Variants in LUC7L3 observed in about 807,000 individuals in gnomAD.
The protein encoded by LUC7L3 is luc7-like protein 3.
Under a neutral mutation model 66.8 loss-of-function variants are expected in LUC7L3, and 6 were observed. That is an observed-to-expected ratio of 0.09 (90% CI 0.05 to 0.18). The LOEUF (loss-of-function observed/expected upper bound fraction) is 0.18. Among genes scored for constraint, LUC7L3 ranks in the 10% least tolerant of loss-of-function variants. The probability of loss-of-function intolerance (pLI) is 1.00; values close to 1 mark genes in which losing one functional copy is unlikely to be tolerated. For missense variants in LUC7L3, 341 were observed against 531.1 expected, an observed-to-expected ratio of 0.64 and a Z score of 3.52; for synonymous variants, 160 against 174.7, an observed-to-expected ratio of 0.92 and a Z score of 0.66.
chr17:50,731,751 C>G (rs984602739), intron 1 of LUC7L3, among the ~76,000 whole-genome samples: 1 of 152,094 alleles, frequency 6.6e-6, no homozygotes, highest in Non-Finnish European at 1.5e-5. Flanking sequence ...TGGATGCTGT[C>G]AGGGCAGGTC....
chr17:50,742,201 A>G (rs1970391621), intron 5 of LUC7L3, among the ~76,000 whole-genome samples: 1 of 152,198 alleles, frequency 6.6e-6, no homozygotes, highest in Non-Finnish European at 1.5e-5. Context: ...TACCTATTTG[A>G]CACCTATGAG....
chr17:50,719,624 A>C lies in LUC7L3; in HGVS notation c.-109A>C. ...TTTTGTCTTGTCGGCTCCTGTGTGT[A>C]GGAGGGATTTCGGCCTGAGAGCGGG... On this transcript the variant is annotated 5_prime_UTR_variant, in exon 1 of 10. Transcript: ENST00000505658. 1.1e-6 allele frequency: 1 copy of C among 870,398 alleles called. No individual in the cohort carries two copies. Among genetic ancestry groups the C allele is most frequent in the Admixed American group, 2.2e-5 (1 of 45,786 alleles). 53.9% of individuals were successfully genotyped at this position (870,398 alleles called of 1,614,324 possible).
chr17:50,752,708 T>C lies in LUC7L3; in HGVS notation c.*2047T>C, dbSNP rs1416957439. Reference sequence around the variant, plus strand: ...CTTTTTCTAATAAAGTTATTGACTCTGAACTAGTCCCCTGTTTTAAATACA... The same window carrying C: ...CTTTTTCTAATAAAGTTATTGACTCCGAACTAGTCCCCTGTTTTAAATACA... On this transcript the variant is annotated 3_prime_UTR_variant, in exon 10 of 10. Coordinates refer to ENST00000505658, the MANE Select transcript of LUC7L3 (RefSeq NM_016424.5). 1 of 152,538 alleles carries C rather than the reference T, an allele frequency of 6.6e-6. No homozygotes were observed. The highest frequency in any genetic ancestry group is 1.5e-5 in the Non-Finnish European group (1 of 68,292). The allele number at this position is 152,538 out of a possible 1,614,324, so 9.4% of individuals were successfully genotyped here.
intron 8 of LUC7L3, 105 bp downstream of exon 8, chr17:50,746,108 C>T (rs2146770535): frequency 7.1e-7 from 1 of 1,406,172 alleles, no homozygotes; most frequent in South Asian, 1.9e-5. Context: ...AGCTCTTAAG[C>T]ATCTTTAAGT....
rs1567883295 is a variant in LUC7L3, at chr17:50,752,718, C to G, written c.*2057C>G. ...TAAAGTTATTGACTCTGAACTAGTC[C>G]CCTGTTTTAAATACAAGAGTTACAC... On this transcript the variant is annotated 3_prime_UTR_variant, in exon 10 of 10. Coordinates refer to ENST00000505658, the MANE Select transcript of LUC7L3 (RefSeq NM_016424.5). The G allele has an allele frequency of 6.6e-6, 1 of 152,066 alleles. No homozygotes were observed. Among genetic ancestry groups the G allele is most frequent in the Non-Finnish European group, 1.5e-5 (1 of 68,086 alleles). 9.4% of individuals were successfully genotyped at this position (152,066 alleles called of 1,614,324 possible).
rs573187940 is a variant in LUC7L3, at chr17:50,741,400, T to C, written c.351+154T>C. ...GCATTCATTTTTTTTCCAGTCTTTATTAGCAAACATAACACTGATTTTGCT... is the reference window on the plus strand; with the variant it reads ...GCATTCATTTTTTTTCCAGTCTTTACTAGCAAACATAACACTGATTTTGCT... On this transcript the variant is annotated intron_variant, in intron 4 of 9. Transcript: ENST00000505658. The C allele has an allele frequency of 2.1e-4, 169 of 793,190 alleles. 2 individuals are homozygous for C. The highest frequency in any genetic ancestry group is 1.7e-3 in the South Asian group (81 of 47,962). 49.1% of individuals were successfully genotyped at this position (793,190 alleles called of 1,614,324 possible).
At position 50,751,479 on chromosome 17, in the gene LUC7L3, G is replaced by GT. The variant is rs1970970172; in HGVS notation, c.*824dup. The GT allele has an allele frequency of 8.3e-7, 1 of 1,200,612 alleles. No individual in the cohort carries two copies. Among genetic ancestry groups the GT allele is most frequent in the Admixed American group, 3.3e-5 (1 of 30,584 alleles). 74.4% of individuals were successfully genotyped at this position (1,200,612 alleles called of 1,614,324 possible). A position where few individuals can be genotyped will look rare whatever the true frequency, so the allele number is the denominator to read the frequency against. ...TGTTCTTTACAAGAAGTGCAGAGGG[G>GT]TTTTTTGTGTATTGCGTGAAAACTT... On this transcript the variant is annotated 3_prime_UTR_variant, in exon 10 of 10. Coordinates refer to ENST00000505658, the MANE Select transcript of LUC7L3 (RefSeq NM_016424.5).
At chr17:50,729,940 A>ATATG (rs1969471120) in intron 1 of LUC7L3, among the ~76,000 whole-genome samples, 1 of 28,402 alleles carries the variant, frequency 3.5e-5, no homozygotes, top group Admixed American at 3.8e-4. Context: ...ATATATATAT[A>ATATG]TATATGTATG....
intron 6 of LUC7L3, among the ~76,000 whole-genome samples, chr17:50,744,445 T>G (rs1292278192): frequency 6.6e-6 from 1 of 152,240 alleles, no homozygotes; most frequent in African/African-American, 2.4e-5. Flanking sequence ...GTCTCAACAT[T>G]TCTTCTGGAT....
At chr17:50,745,193 C>CT (rs1970591125) in intron 7 of LUC7L3, among the ~76,000 whole-genome samples, 1 of 151,802 alleles carries the variant, frequency 6.6e-6, no homozygotes, top group East Asian at 1.9e-4. Context: ...GGGTTTTTTC[C>CT]TGTTGGCCAG....
intron 1 of LUC7L3, among the ~76,000 whole-genome samples, chr17:50,721,309 C>T (rs1026701041): frequency 3.9e-5 from 6 of 152,130 alleles, no homozygotes; most frequent in African/African-American, 1.4e-4. Flanking sequence ...TCTCTGCACC[C>T]TTGACTTTGA....
intron 9 of LUC7L3, 48 bp from the exon 10 acceptor site, chr17:50,750,453 A>G (rs1385367466): frequency 5.2e-6 from 8 of 1,534,630 alleles, no homozygotes; most frequent in Non-Finnish European, 7.1e-6. Context: ...TCATGTCTTT[A>G]TTGTATTTTA....
At chr17:50,724,294 C>T (rs1182559466) in intron 1 of LUC7L3, 1 of 162,250 alleles carries the variant, frequency 6.2e-6, no homozygotes, top group Non-Finnish European at 1.3e-5. Context: ...CCAAGGCAGG[C>T]AGATCACTTG....
At chr17:50,745,180 A>G (rs1385383576) in intron 7 of LUC7L3, among the ~76,000 whole-genome samples, 4 of 151,692 alleles carry the variant, frequency 2.6e-5, no homozygotes, top group South Asian at 4.2e-4. Flanking sequence ...TTTAATAGAG[A>G]CGGGGTTTTT....
chr17:50,741,567 TAAATAG>T, intron 4 of LUC7L3, 84 bp from the exon 5 acceptor site: 1 of 719,662 alleles, frequency 1.4e-6, no homozygotes, highest in Non-Finnish European at 2.3e-6. Flanking sequence ...TTTTAATTAT[TAAATAG>T]AAATATTATG....
At chr17:50,745,651 A>G in intron 7 of LUC7L3, 69 bp from the exon 8 acceptor site, 5 of 1,277,992 alleles carry the variant, frequency 3.9e-6, no homozygotes, top group Non-Finnish European at 5.5e-6. Context: ...ATAACTTCAC[A>G]TTAGTTGACC....
At chr17:50,750,333 C>G (rs1331870554) in intron 9 of LUC7L3, among the ~76,000 whole-genome samples, 168 bp from the exon 10 acceptor site, 2 of 152,172 alleles carry the variant, frequency 1.3e-5, no homozygotes, top group Non-Finnish European at 2.9e-5. Context: ...CCTGCCTTCT[C>G]TCTCATATAT....
chr17:50,723,270 A>G (rs1490024547), intron 1 of LUC7L3: 1 of 152,254 alleles, frequency 6.6e-6, no homozygotes. Flanking sequence ...TCTTCCATTT[A>G]TCAAACTCAA....
chr17:50,733,108 TAGA>T (rs1969732873), intron 1 of LUC7L3, among the ~76,000 whole-genome samples: 1 of 152,204 alleles, frequency 6.6e-6, no homozygotes, highest in Non-Finnish European at 1.5e-5. Flanking sequence ...ATGAGGCTGT[TAGA>T]AGTCCTATTG....
Sources: allele counts gnomAD v4.1 joint callset (sites outside exome capture counted in the v4.1 genomes callset), GRCh38; gene constraint gnomAD v4.1.1; transcripts MANE v1.5; gene names NCBI Gene and HGNC (gene_info 2026-07-23, HGNC 2026-07-21).